Variants in CDKL4 observed in about 807,000 individuals in gnomAD.
CDKL4 encodes cyclin-dependent kinase-like 4.
CDKL4 carries 44 observed loss-of-function variants against 42.0 expected under a neutral mutation model. The ratio of observed to expected loss-of-function variants is 1.05; its 90% confidence interval spans 0.82 to 1.35. The LOEUF (loss-of-function observed/expected upper bound fraction) is 1.35. Among genes scored for constraint, CDKL4 ranks in the 40% most tolerant of loss-of-function variants. CDKL4 has a pLI of 0.00. For synonymous variants in CDKL4, 120 were observed against 121.6 expected, an observed-to-expected ratio of 0.99 and a Z score of 0.09; for missense variants, 393 against 369.9, an observed-to-expected ratio of 1.06 and a Z score of -0.51.
At chr2:39,230,126 T>C (rs1261795015) in intron 1 of CDKL4, among the ~76,000 whole-genome samples, 1 of 152,238 alleles carries the variant, frequency 6.6e-6, no homozygotes, top group South Asian at 2.1e-4. Flanking sequence ...AAGCCTGTAA[T>C]CCCAGAACTT....
rs1417812617 is a variant in CDKL4, at chr2:39,240,534, A to G, written c.-57+3337T>C. Among the ~76,000 whole-genome samples the G allele has an allele frequency of 2.6e-5, 4 of 152,114 alleles. No homozygotes were observed. The East Asian group carries it at 7.7e-4, about 29-fold the overall frequency. ...CATGTAAGCAAATGTTCACAGCACC[A>G]TTATTCAGAAGAGGTCCCTATATGG... On this transcript the variant is annotated intron_variant, in intron 1 of 9. Transcript: ENST00000451199.
exon 10 of CDKL4, chr2:39,175,950 A>T: frequency 2.2e-6 from 1 of 454,738 alleles, no homozygotes; most frequent in Non-Finnish European, 4.5e-6. Context: ...CACTTGTACA[A>T]AATGTGTACA....
the CDKL4 span, among the ~76,000 whole-genome samples, chr2:39,170,582 G>C: frequency 9.9e-5 from 15 of 151,756 alleles, no homozygotes; most frequent in Admixed American, 2.0e-4. Context: ...TCAGCCTCCC[G>C]AGTAGCTGGG....
chr2:39,207,741 G>A lies in CDKL4; in HGVS notation c.364-3124C>T, dbSNP rs535893775. Among the ~76,000 whole-genome samples the A allele has an allele frequency of 3.3e-5, 5 of 152,236 alleles. No homozygotes were observed. In the South Asian group the frequency reaches 1.0e-3, roughly 32 times the overall value. On this transcript the variant is annotated intron_variant, in intron 4 of 9. Coordinates refer to ENST00000451199, the Ensembl canonical transcript of CDKL4. ...AGAAACAGGAAAATTTATTTTATAGGAGCAGGTAACAGAAGTTATTGATAA... is the reference window on the plus strand; with the variant it reads ...AGAAACAGGAAAATTTATTTTATAGAAGCAGGTAACAGAAGTTATTGATAA...
chr2:39,204,530 G>A (rs371665589), exon 5 of CDKL4: 1 of 1,597,770 alleles, frequency 6.3e-7, no homozygotes, highest in South Asian at 1.1e-5. Flanking sequence ...TACTTACTCA[G>A]AATTTGTGCA....
intron 5 of CDKL4, 80 bp from the exon 6 acceptor site, chr2:39,190,582 G>C (rs951571680): frequency 6.6e-6 from 8 of 1,216,682 alleles, no homozygotes; most frequent in South Asian, 5.0e-5. Flanking sequence ...AGGCATTCAG[G>C]CTGCAATAAC....
At chr2:39,215,370 G>A (rs1480992584) in intron 3 of CDKL4, among the ~76,000 whole-genome samples, 1 of 152,102 alleles carries the variant, frequency 6.6e-6, no homozygotes, top group African/African-American at 2.4e-5. Flanking sequence ...AAGACTCAAT[G>A]TATATCATGG....
At chr2:39,207,347 C>G (rs983408181) in intron 4 of CDKL4, among the ~76,000 whole-genome samples, 1 of 151,856 alleles carries the variant, frequency 6.6e-6, no homozygotes, top group Non-Finnish European at 1.5e-5. Flanking sequence ...ATGGCACCAC[C>G]GCACTCTAGC....
chr2:39,207,492 C>T (rs1469505557), intron 4 of CDKL4, among the ~76,000 whole-genome samples: 2 of 152,188 alleles, frequency 1.3e-5, no homozygotes, highest in African/African-American at 4.8e-5. Context: ...CAGTAACACT[C>T]ATACTTGGTG....
At chr2:39,168,514 T>A in the CDKL4 span, among the ~76,000 whole-genome samples, 1 of 152,072 alleles carries the variant, frequency 6.6e-6, no homozygotes, top group Admixed American at 6.6e-5. Flanking sequence ...GGCGGGTGGA[T>A]CACCCAAGGT....
chr2:39,190,599 A>G, intron 5 of CDKL4, 97 bp from the exon 6 acceptor site: 6 of 961,198 alleles, frequency 6.2e-6, no homozygotes, highest in Non-Finnish European at 9.9e-6. Context: ...TAACCATCAG[A>G]GGCCATGATA....
intron 5 of CDKL4, among the ~76,000 whole-genome samples, chr2:39,190,903 T>A (rs1320063603): frequency 6.6e-6 from 1 of 152,196 alleles, no homozygotes; most frequent in Admixed American, 6.5e-5. Flanking sequence ...GTGAATGTGA[T>A]CTTATTTGGA....
In CDKL4 at chr2:39,188,824, G is replaced by A. The variant is rs2148299300; in HGVS notation, c.653-1115C>T. The stretch of plus-strand genomic sequence containing the variant: ...TCCACCTTAGCCTCCCGAGTAGCTG[G>A]AACTACAAGCATGCGCCATCATGTC... On this transcript the variant is annotated intron_variant, in intron 6 of 9. Coordinates refer to ENST00000451199, the Ensembl canonical transcript of CDKL4. 3.9e-5 allele frequency among the ~76,000 whole-genome samples: 6 copies of A among 152,158 alleles called. 1 individual carries two copies. Among genetic ancestry groups the A allele is most frequent in the Admixed American group, 3.9e-4 (6 of 15,276 alleles).
chr2:39,212,484 C>T (rs946675462), intron 4 of CDKL4, among the ~76,000 whole-genome samples: 2 of 152,022 alleles, frequency 1.3e-5, no homozygotes, highest in South Asian at 2.1e-4. Flanking sequence ...CCGCCTGCCT[C>T]GGCCTCCCAA....
chr2:39,224,498 A>ATTT lies in CDKL4; in HGVS notation c.290+1338_290+1340dup, dbSNP rs1171458286. ...ATTTGAATGGGATCCTTCTCCACTA[A>ATTT]TTTTTTTTTTTTTTTTTTTTCTTGA... On this transcript the variant is annotated intron_variant, in intron 3 of 9. Coordinates refer to ENST00000451199, the Ensembl canonical transcript of CDKL4. 7.6e-4 allele frequency among the ~76,000 whole-genome samples: 101 copies of ATTT among 132,628 alleles called. 1 individual carries two copies. Among genetic ancestry groups the ATTT allele is most frequent in the African/African-American group, 2.0e-3 (71 of 35,190 alleles). 87.0% of individuals were successfully genotyped at this position (132,628 alleles called of 152,430 possible). A position where few individuals can be genotyped will look rare whatever the true frequency, so the allele number is the denominator to read the frequency against.
intron 4 of CDKL4, among the ~76,000 whole-genome samples, chr2:39,209,834 G>A (rs1677481495): frequency 1.3e-5 from 2 of 151,988 alleles, no homozygotes; most frequent in South Asian, 2.1e-4. Flanking sequence ...AGAGTATAAA[G>A]GTTTTAGTTG....
At chr2:39,180,940 C>T (rs978576866) in intron 8 of CDKL4, among the ~76,000 whole-genome samples, 3 of 152,160 alleles carry the variant, frequency 2.0e-5, no homozygotes, top group African/African-American at 7.2e-5. Context: ...CTGCCCACCT[C>T]GGCCTCCCAG....
intron 7 of CDKL4, 79 bp from the exon 8 acceptor site, chr2:39,184,726 G>A (rs927690569): frequency 1.5e-4 from 104 of 679,578 alleles, no homozygotes; most frequent in Non-Finnish European, 2.4e-4. Context: ...GTATGTATGT[G>A]TGTGTGTGTG....
rs1236840518 is a variant in CDKL4, at chr2:39,222,407, T to C, written c.290+3432A>G. Among the ~76,000 whole-genome samples, 4 of 151,912 alleles carry C rather than the reference T, an allele frequency of 2.6e-5. No individual in the cohort carries two copies. In the East Asian group the frequency reaches 7.7e-4, roughly 29 times the overall value. On this transcript the variant is annotated intron_variant, in intron 3 of 9. Transcript: ENST00000451199. ...GAGTTCGAGAGCAGCCTGGCTAACA[T>C]GGCAAAACCCTGTGTCTACTAAAAA...
Sources: gnomAD v4.1 joint callset for allele counts (sites outside exome capture counted in the v4.1 genomes callset) on GRCh38, gnomAD v4.1.1 for gene constraint, MANE v1.5 for transcripts, NCBI Gene and HGNC (gene_info 2026-07-23, HGNC 2026-07-21) for gene names.